The following FAM13A variants were observed in gnomAD, a reference collection of about 807,000 sequenced individuals.
The protein encoded by FAM13A is family with sequence similarity 13 member A, also known as protein FAM13A.
In FAM13A, 76 loss-of-function variants were observed where a neutral mutation model predicts 129.6. The observed-to-expected ratio is 0.59, with a 90% confidence interval of 0.49 to 0.71. The LOEUF is 0.71. Ranked by LOEUF, FAM13A falls within the 30% of genes least tolerant of loss-of-function variation. The probability of loss-of-function intolerance (pLI) is 0.00; values close to 1 mark genes in which losing one functional copy is unlikely to be tolerated. For synonymous variants in FAM13A, 443 were observed against 449.9 expected, an observed-to-expected ratio of 0.98 and a Z score of 0.20; for missense variants, 1,108 against 1,249.3, an observed-to-expected ratio of 0.89 and a Z score of 1.70.
intron 21 of FAM13A, among the ~76,000 whole-genome samples, chr4:88,733,953 T>C (rs1428365607): frequency 6.6e-6 from 1 of 152,222 alleles, no homozygotes; most frequent in Admixed American, 6.5e-5. Context: ...GCACTCAATA[T>C]TTTTTGAGAT....
At chr4:88,809,026 A>G (rs1259972152) in intron 7 of FAM13A, among the ~76,000 whole-genome samples, 1 of 152,146 alleles carries the variant, frequency 6.6e-6, no homozygotes, top group Non-Finnish European at 1.5e-5. Context: ...ACAGCTTGAC[A>G]TTGGTTAATG....
At chr4:88,928,504 G>A (rs570330306) in intron 5 of FAM13A, among the ~76,000 whole-genome samples, 150 of 152,196 alleles carry the variant, frequency 9.9e-4, no homozygotes, top group Middle Eastern at 3.4e-3. Context: ...CCAGGGTAGG[G>A]TTCCCAGAGT....
In FAM13A at chr4:88,938,244, A is replaced by G; in HGVS notation, c.606-3T>C. On this transcript the variant is annotated splice_region_variant and splice_polypyrimidine_tract_variant and intron_variant, in intron 4 of 23. Transcript: ENST00000264344. ...TGCCTTCAAGCCCAGGTGGCACACT[A>G]GAAACAAGAAAGGGAAAGAGAGGAA... 1 of 1,597,270 alleles carries G rather than the reference A, an allele frequency of 6.3e-7. No individual in the cohort carries two copies. Among genetic ancestry groups the G allele is most frequent in the Non-Finnish European group, 8.5e-7 (1 of 1,174,048 alleles).
intron 5 of FAM13A, among the ~76,000 whole-genome samples, chr4:88,917,763 A>T (rs1048710380): frequency 2.6e-5 from 4 of 152,102 alleles, no homozygotes; most frequent in Non-Finnish European, 5.9e-5. Context: ...TCCACATCCA[A>T]CACTCATTTT....
intron 19 of FAM13A, 110 bp downstream of exon 19, chr4:88,746,822 G>C (rs1399157619): frequency 2.7e-6 from 2 of 730,788 alleles, no homozygotes; most frequent in African/African-American, 3.5e-5. Context: ...TATCCTAAAA[G>C]TAAAGCAAGC....
At chr4:88,748,400 G>T (rs1014367955) in intron 17 of FAM13A, among the ~76,000 whole-genome samples, 4 of 152,178 alleles carry the variant, frequency 2.6e-5, no homozygotes, top group African/African-American at 9.7e-5. Flanking sequence ...ACATCAGCCT[G>T]TATGATGCTC....
intron 4 of FAM13A, among the ~76,000 whole-genome samples, chr4:88,985,424 T>C (rs1762112198): frequency 6.6e-6 from 1 of 152,196 alleles, no homozygotes; most frequent in African/African-American, 2.4e-5. Context: ...CAACAAATTA[T>C]ATACTTCACA....
At chr4:89,024,966 TTAA>T (rs1278277809) in intron 2 of FAM13A, among the ~76,000 whole-genome samples, 2 of 152,208 alleles carry the variant, frequency 1.3e-5, no homozygotes, top group African/African-American at 4.8e-5. Flanking sequence ...CTGATTTAAC[TTAA>T]TAAAATGTTT....
At chr4:89,035,444 A>C (rs946207284) in intron 1 of FAM13A, among the ~76,000 whole-genome samples, 2 of 152,142 alleles carry the variant, frequency 1.3e-5, no homozygotes, top group Admixed American at 6.6e-5. Context: ...GCACAAGAAC[A>C]ACAAAAAGGA....
At chr4:88,826,918 A>G (rs1469952595) in intron 7 of FAM13A, among the ~76,000 whole-genome samples, 1 of 152,092 alleles carries the variant, frequency 6.6e-6, no homozygotes, top group African/African-American at 2.4e-5. Flanking sequence ...CAGGCAACCA[A>G]GTGAGTGTCC....
In FAM13A at chr4:89,029,569, G is replaced by C. The variant is rs1244661618; in HGVS notation, c.108C>G (p.Thr36=). The C allele has an allele frequency of 6.3e-7, 1 of 1,590,472 alleles. No homozygotes were observed. The highest frequency in any genetic ancestry group is 8.5e-7 in the Non-Finnish European group (1 of 1,173,072). Residue 36 remains threonine, a synonymous_variant, in exon 2 of 24, where the codon ACC becomes ACG. Transcript: ENST00000264344. ...GACTGACTCCAAATAACTTCTGATA[G>C]GTAAAATCCTTCTGTTCATTTAATG... The part of the protein sequence containing the change: ...AVPLNEQKDF[T]YQKLFGVSLQ...
At chr4:88,922,649 A>T (rs1054027300) in intron 5 of FAM13A, among the ~76,000 whole-genome samples, 89 of 152,342 alleles carry the variant, frequency 5.8e-4, no homozygotes, top group Non-Finnish European at 8.8e-4. Context: ...GAACTAGAAA[A>T]GCAAGAGCAA....
intron 8 of FAM13A, 27 bp downstream of exon 8, chr4:88,804,984 G>C (rs373020739): frequency 2.1e-6 from 3 of 1,418,184 alleles, no homozygotes; most frequent in Non-Finnish European, 3.0e-6. Context: ...ATTCCCTGTA[G>C]TAGACCAACA....
At chr4:89,020,773 T>C (rs1414783135) in intron 2 of FAM13A, 104 bp from the exon 3 acceptor site, 6 of 726,376 alleles carry the variant, frequency 8.3e-6, no homozygotes, top group Non-Finnish European at 1.4e-5. Context: ...TATGATTCTC[T>C]CAACACTGTA....
At chr4:88,989,224 CAAA>C (rs1762639675) in intron 4 of FAM13A, among the ~76,000 whole-genome samples, 1 of 151,762 alleles carries the variant, frequency 6.6e-6, no homozygotes, top group African/African-American at 2.4e-5. Flanking sequence ...AACAAACAAA[CAAA>C]CAAAAAGCTA....
rs545740750 is a variant in FAM13A at position 88,928,351 on chromosome 4, G to A, written c.759+9737C>T. ...TGTTCTGCGAATGTCTGCTAAGTCCGTTTAGTCTAAAGTCCAACTTAAATC... is the reference window on the plus strand; with the variant it reads ...TGTTCTGCGAATGTCTGCTAAGTCCATTTAGTCTAAAGTCCAACTTAAATC... On this transcript the variant is annotated intron_variant, in intron 5 of 23. Coordinates refer to ENST00000264344, the MANE Select transcript of FAM13A (RefSeq NM_014883.4). 8.1e-5 allele frequency among the ~76,000 whole-genome samples: 12 copies of A among 147,480 alleles called. No homozygotes were observed. In the South Asian group the frequency reaches 1.9e-3, roughly 24 times the overall value.
chr4:88,901,238 A>G (rs538716135), intron 6 of FAM13A, among the ~76,000 whole-genome samples: 2 of 152,270 alleles, frequency 1.3e-5, no homozygotes, highest in South Asian at 4.1e-4. Flanking sequence ...GATCATCGAG[A>G]CAGAAAATTA....
At chr4:88,999,226 A>G (rs551170578) in intron 3 of FAM13A, among the ~76,000 whole-genome samples, 13 of 152,240 alleles carry the variant, frequency 8.5e-5, no homozygotes, top group African/African-American at 3.1e-4. Flanking sequence ...ATAGTATCTC[A>G]GCATATTTAT....
At chr4:88,812,449 C>T (rs921882526) in intron 7 of FAM13A, among the ~76,000 whole-genome samples, 1 of 152,068 alleles carries the variant, frequency 6.6e-6, no homozygotes, top group African/African-American at 2.4e-5. Flanking sequence ...ACATGAAGTC[C>T]CTCCCAATTG....
Sources: gnomAD v4.1 joint callset for allele counts (sites outside exome capture counted in the v4.1 genomes callset) on GRCh38, gnomAD v4.1.1 for gene constraint, MANE v1.5 for transcripts, NCBI Gene and HGNC (gene_info 2026-07-23, HGNC 2026-07-21) for gene names.